RPH3A: variants seen among roughly 807,000 people sequenced by gnomAD.
RPH3A encodes rabphilin 3A.
Under a neutral mutation model 102.2 loss-of-function variants are expected in RPH3A, and 48 were observed. The ratio of observed to expected loss-of-function variants is 0.47; its 90% CI spans 0.37 to 0.60. The LOEUF (loss-of-function observed/expected upper bound fraction) is 0.60. RPH3A is among the 20% of genes least tolerant of loss of function. The probability of loss-of-function intolerance (pLI) is 0.00; values close to 1 mark genes in which losing one functional copy is unlikely to be tolerated. For missense variants in RPH3A, 781 were observed against 910.1 expected (o/e 0.86, Z 1.83); for synonymous variants, 310 against 324.3 (o/e 0.96, Z 0.47).
chr12:112,881,045 C>G (rs1270428384), intron 14 of RPH3A, among the ~76,000 whole-genome samples: 1 of 152,102 alleles, frequency 6.6e-6, no homozygotes, highest in Non-Finnish European at 1.5e-5. Flanking sequence ...TGGACCCACA[C>G]AGTTCACACC....
At chr12:112,765,873 G>T (rs1379580206) in intron 1 of RPH3A, among the ~76,000 whole-genome samples, 1 of 152,102 alleles carries the variant, frequency 6.6e-6, no homozygotes, top group Non-Finnish European at 1.5e-5. Context: ...AAAAATAGAG[G>T]TTGTTGCAGG....
chr12:112,591,783 A>T (rs1488798639), intron 1 of RPH3A, among the ~76,000 whole-genome samples: 1 of 152,026 alleles, frequency 6.6e-6, no homozygotes. Context: ...TCTGTGATGT[A>T]TTGTCATTTA....
At chr12:112,587,540 C>T (rs995182696) in intron 1 of RPH3A, among the ~76,000 whole-genome samples, 1 of 152,188 alleles carries the variant, frequency 6.6e-6, no homozygotes, top group African/African-American at 2.4e-5. Flanking sequence ...GGGTTTTGTG[C>T]TGGCTGTTCC....
intron 1 of RPH3A, among the ~76,000 whole-genome samples, chr12:112,718,803 A>G (rs564190601): frequency 3.3e-5 from 5 of 152,228 alleles, no homozygotes; most frequent in Admixed American, 6.5e-5. Context: ...CAGCCTCTTC[A>G]GGCTTAGAAG....
At chr12:112,753,168 C>T (rs892750056) in intron 1 of RPH3A, among the ~76,000 whole-genome samples, 17 of 152,100 alleles carry the variant, frequency 1.1e-4, no homozygotes, top group African/African-American at 4.1e-4. Flanking sequence ...CAAACAAACA[C>T]GATTCCACTC....
intron 1 of RPH3A, among the ~76,000 whole-genome samples, chr12:112,743,264 G>A (rs1409435814): frequency 1.3e-5 from 2 of 152,178 alleles, no homozygotes; most frequent in Non-Finnish European, 1.5e-5. Flanking sequence ...TCTGCCTACC[G>A]CAGCGTGGAA....
At chr12:112,803,473 C>T (rs1255433731) in intron 2 of RPH3A, among the ~76,000 whole-genome samples, 1 of 151,634 alleles carries the variant, frequency 6.6e-6, no homozygotes, top group East Asian at 1.9e-4. Flanking sequence ...CCTCATGAAG[C>T]CTTGGGAAGG....
chr12:112,577,705 C>G (rs66475155), intron 1 of RPH3A, among the ~76,000 whole-genome samples: 17,706 of 151,464 alleles, frequency 0.12, 1,254 homozygotes, highest in South Asian at 0.36. Flanking sequence ...ATCATGCCCA[C>G]CTATTTTTTT....
chr12:112,803,245 G>A (rs187749569), intron 2 of RPH3A, among the ~76,000 whole-genome samples: 23 of 152,076 alleles, frequency 1.5e-4, no homozygotes, highest in Admixed American at 1.0e-3. Context: ...TTGCTAGAAA[G>A]GACACTGAGT....
chr12:112,741,972 C>G (rs1263134728), intron 1 of RPH3A, among the ~76,000 whole-genome samples: 1 of 152,176 alleles, frequency 6.6e-6, no homozygotes, highest in Non-Finnish European at 1.5e-5. Flanking sequence ...TGTATATAAG[C>G]AGTGCGCTAA....
At chr12:112,633,191 C>A (rs2039819835) in intron 1 of RPH3A, among the ~76,000 whole-genome samples, 1 of 152,096 alleles carries the variant, frequency 6.6e-6, no homozygotes, top group Non-Finnish European at 1.5e-5. Context: ...CAGAGCAAAA[C>A]CCTGTCTCTA....
chr12:112,719,546 C>G (rs1192474664), intron 1 of RPH3A, among the ~76,000 whole-genome samples: 2 of 152,102 alleles, frequency 1.3e-5, no homozygotes, highest in South Asian at 4.2e-4. Flanking sequence ...ATGGTCTTCC[C>G]CAGTAGATTG....
At chr12:112,604,436 C>A (rs994669131) in intron 1 of RPH3A, among the ~76,000 whole-genome samples, 2 of 152,140 alleles carry the variant, frequency 1.3e-5, no homozygotes, top group African/African-American at 4.8e-5. Flanking sequence ...GGGAAACTAG[C>A]ATATATTCAG....
At chr12:112,772,423 G>A (rs1004309731) in intron 1 of RPH3A, among the ~76,000 whole-genome samples, 12 of 152,134 alleles carry the variant, frequency 7.9e-5, no homozygotes, top group African/African-American at 1.2e-4. Flanking sequence ...CCTCTAAGTC[G>A]CTGCAATAAT....
chr12:112,811,542 A>AGT (rs2041576864), intron 2 of RPH3A, among the ~76,000 whole-genome samples: 2 of 143,150 alleles, frequency 1.4e-5, no homozygotes, highest in Admixed American at 1.4e-4. Flanking sequence ...CCCCCCCAAA[A>AGT]AAAAGAGACC....
intron 5 of RPH3A, among the ~76,000 whole-genome samples, chr12:112,864,138 A>G (rs1254152117): frequency 1.3e-5 from 2 of 152,178 alleles, no homozygotes; most frequent in Non-Finnish European, 2.9e-5. Flanking sequence ...GGCTCTCAAG[A>G]GGGAGTGCTA....
Position 112,895,874 on chromosome 12 carries a change from G to A in RPH3A, c.1954+1G>A. On this transcript the variant is annotated splice_donor_variant, in intron 21 of 21. Coordinates refer to ENST00000389385, the MANE Select transcript of RPH3A (RefSeq NM_001143854.2). LOFTEE classifies it high-confidence loss of function. Reference sequence around the variant, plus strand: ...ATCGGCAAGTCCAATGATTACATCGGTGAGTGTTCCTAACTCCAGAGAAAA... The same window carrying A: ...ATCGGCAAGTCCAATGATTACATCGATGAGTGTTCCTAACTCCAGAGAAAA... 2 of 1,607,066 alleles carry A rather than the reference G, an allele frequency of 1.2e-6. No individual in the cohort carries two copies. Among genetic ancestry groups the A allele is most frequent in the Non-Finnish European group, 1.7e-6 (2 of 1,174,096 alleles).
intron 2 of RPH3A, among the ~76,000 whole-genome samples, chr12:112,820,432 T>A (rs1420180286): frequency 6.6e-6 from 1 of 152,200 alleles, no homozygotes; most frequent in Admixed American, 6.5e-5. Flanking sequence ...TTGCATCAGA[T>A]CCTGTAGGTA....
chr12:112,621,849 A>G (rs2039730231), intron 1 of RPH3A, among the ~76,000 whole-genome samples: 1 of 151,566 alleles, frequency 6.6e-6, no homozygotes, highest in Non-Finnish European at 1.5e-5. Flanking sequence ...CCCAGCATGC[A>G]GCTGGAGATC....
Sources: allele counts gnomAD v4.1 joint callset (sites outside exome capture counted in the v4.1 genomes callset), GRCh38; gene constraint gnomAD v4.1.1; transcripts MANE v1.5; gene names NCBI Gene and HGNC (gene_info 2026-07-23, HGNC 2026-07-21).